The following USP25 variants were observed in gnomAD, a reference collection of about 807,000 sequenced individuals.
The protein encoded by USP25 is ubiquitin carboxyl-terminal hydrolase 25.
In USP25, 85 loss-of-function variants were observed where a neutral mutation model predicts 158.5. The ratio of observed to expected loss-of-function variants is 0.54; its 90% confidence interval spans 0.45 to 0.64. USP25 has a LOEUF of 0.64. USP25 is among the 30% of genes least tolerant of loss of function. The pLI, the probability that USP25 is intolerant of heterozygous loss-of-function variation, is 0.00. For synonymous variants in USP25, 464 were observed against 460.4 expected, an observed-to-expected ratio of 1.01 and a Z score of -0.10; for missense variants, 1,242 against 1,327.3, an observed-to-expected ratio of 0.94 and a Z score of 1.00.
intron 1 of USP25, among the ~76,000 whole-genome samples, chr21:15,738,722 C>T (rs911950130): frequency 6.6e-6 from 1 of 152,048 alleles, no homozygotes; most frequent in African/African-American, 2.4e-5. Context: ...AATTTCTGCC[C>T]TCAAAGAAAG....
chr21:15,739,724 C>G (rs898404335), intron 1 of USP25, among the ~76,000 whole-genome samples: 37 of 152,130 alleles, frequency 2.4e-4, no homozygotes, highest in African/African-American at 8.5e-4. Context: ...TGCCTTTTTC[C>G]TACAATATAA....
At chr21:15,836,659 T>C (rs111872180) in intron 17 of USP25, among the ~76,000 whole-genome samples, 2 of 89,980 alleles carry the variant, frequency 2.2e-5, no homozygotes, top group Admixed American at 1.1e-4. Context: ...AGCCAGCCAT[T>C]CTTTGCTGTC....
At chr21:15,742,168 AT>A (rs927771409) in intron 1 of USP25, among the ~76,000 whole-genome samples, 6 of 151,412 alleles carry the variant, frequency 4.0e-5, no homozygotes, top group African/African-American at 1.5e-4. Context: ...AGGAATCTGA[AT>A]TGGAAAACCC....
At position 15,874,460 on chromosome 21, in the gene USP25, G is replaced by A; in HGVS notation, c.2943G>A (p.Leu981=). The part of the protein sequence containing the change: ...ICAYQNNKEL[L]SKGLYRGHDE... ...CTTATCAGAATAACAAAGAACTCTTGTCTAAAGGCTTATACAGAGGACATG... is the reference window on the plus strand; with the variant it reads ...CTTATCAGAATAACAAAGAACTCTTATCTAAAGGCTTATACAGAGGACATG... The change falls in exon 24 of 26, where the codon TTG becomes TTA. Residue 981 remains leucine, a synonymous_variant. Coordinates refer to ENST00000400183, the MANE Select transcript of USP25 (RefSeq NM_001283041.3). 1 of 1,611,486 alleles carries A rather than the reference G, an allele frequency of 6.2e-7. No individual in the cohort carries two copies. The highest frequency in any genetic ancestry group is 8.5e-7 in the Non-Finnish European group (1 of 1,178,748).
At chr21:15,789,200 A>G (rs1313524194) in intron 4 of USP25, among the ~76,000 whole-genome samples, 1 of 152,130 alleles carries the variant, frequency 6.6e-6, no homozygotes, top group Admixed American at 6.5e-5. Flanking sequence ...TTGTATGTAA[A>G]CATGCCAATC....
At chr21:15,877,725 A>T in intron 24 of USP25, 71 bp from the exon 25 acceptor site, 1 of 1,095,696 alleles carries the variant, frequency 9.1e-7, no homozygotes. Flanking sequence ...CTTCCTTATT[A>T]ATACTTACAG....
intron 20 of USP25, among the ~76,000 whole-genome samples, chr21:15,863,075 A>G (rs2039502787): frequency 1.3e-5 from 2 of 152,036 alleles, no homozygotes; most frequent in African/African-American, 4.8e-5. Flanking sequence ...TATTAGAGCT[A>G]GAATTTACAT....
At chr21:15,866,166 T>C in intron 21 of USP25, 100 bp from the exon 22 acceptor site, 1 of 620,434 alleles carries the variant, frequency 1.6e-6, no homozygotes, top group Non-Finnish European at 2.3e-6. Flanking sequence ...ACTGCTGTTT[T>C]TGCTCAGTGT....
At position 15,853,539 on chromosome 21, in the gene USP25, A is replaced by AT. The variant is rs968110461; in HGVS notation, c.2547+3675dup. 7.9e-5 allele frequency among the ~76,000 whole-genome samples: 12 copies of AT among 151,628 alleles called. 1 individual carries two copies. The highest frequency in any genetic ancestry group is 2.1e-4 in the South Asian group (1 of 4,792). ...GTATGTTCGTTTTCCTACTTTATGGATTTTTTTTGCCATATTAAAAGATCT... is the reference window on the plus strand; with the variant it reads ...GTATGTTCGTTTTCCTACTTTATGGATTTTTTTTTGCCATATTAAAAGATCT... On this transcript the variant is annotated intron_variant, in intron 20 of 25. Coordinates refer to ENST00000400183, the MANE Select transcript of USP25 (RefSeq NM_001283041.3).
chr21:15,852,962 T>C (rs1219313662), intron 20 of USP25, among the ~76,000 whole-genome samples: 1 of 152,168 alleles, frequency 6.6e-6, no homozygotes, highest in Non-Finnish European at 1.5e-5. Context: ...ATATGTCACC[T>C]TAAAAATTTT....
chr21:15,874,571 T>G (rs376589141), intron 24 of USP25, 45 bp downstream of exon 24: 52 of 1,530,938 alleles, frequency 3.4e-5, no homozygotes, highest in Middle Eastern at 1.8e-4. Context: ...TTGTCTGACA[T>G]TGGGCAAGTT....
At chr21:15,850,350 T>A (rs1326095115) in intron 20 of USP25, among the ~76,000 whole-genome samples, 2 of 152,048 alleles carry the variant, frequency 1.3e-5, no homozygotes, top group African/African-American at 4.8e-5. Flanking sequence ...TGTTTCCCCA[T>A]AATTAATTTT....
chr21:15,818,408 C>T (rs915322011), intron 9 of USP25, among the ~76,000 whole-genome samples: 1 of 152,112 alleles, frequency 6.6e-6, no homozygotes, highest in Non-Finnish European at 1.5e-5. Flanking sequence ...TATATATTCC[C>T]AGTGTTCAGT....
intron 20 of USP25, among the ~76,000 whole-genome samples, chr21:15,853,640 A>G (rs149702496): frequency 2.4e-3 from 361 of 152,302 alleles, no homozygotes; most frequent in African/African-American, 8.3e-3. Flanking sequence ...TATTTTTTAA[A>G]TTCAAATGCT....
At chr21:15,768,256 A>G (rs532503955) in intron 3 of USP25, among the ~76,000 whole-genome samples, 115 of 152,206 alleles carry the variant, frequency 7.6e-4, no homozygotes, top group African/African-American at 2.6e-3. Flanking sequence ...CAGGGTGCCA[A>G]TTGAGATAGT....
chr21:15,766,012 T>C lies in USP25; in HGVS notation c.139T>C (p.Leu47=). 2 of 1,605,138 alleles carry C rather than the reference T, an allele frequency of 1.2e-6. No homozygotes were observed. Among genetic ancestry groups the C allele is most frequent in the South Asian group, 1.1e-5 (1 of 89,440 alleles). ...ATATTTGAAGGATAGTAATGGAAAC[T>C]TGGAATTAGCAGTGGCTTTCCTTAC... is the stretch of plus-strand genomic sequence containing the variant. ...QQALKDSNGN[L]ELAVAFLTAK... Residue 47 remains leucine, a synonymous_variant, in exon 3 of 26, where the codon TTG becomes CTG. Transcript: ENST00000400183. The surrounding 1 kb of genome is among the most constrained non-coding windows in gnomAD (Gnocchi z 4.0).
At chr21:15,806,826 C>T (rs2036416171) in intron 7 of USP25, among the ~76,000 whole-genome samples, 1 of 152,078 alleles carries the variant, frequency 6.6e-6, no homozygotes, top group East Asian at 1.9e-4. Context: ...ATTGTATCTT[C>T]TTCCTAAATA....
At chr21:15,869,224 G>A (rs2039782142) in intron 22 of USP25, among the ~76,000 whole-genome samples, 1 of 151,078 alleles carries the variant, frequency 6.6e-6, no homozygotes, top group Admixed American at 6.6e-5. Context: ...CTGCAGACTG[G>A]GCAACTGAGT....
chr21:15,866,464 G>C, intron 22 of USP25, 120 bp downstream of exon 22: 1 of 612,238 alleles, frequency 1.6e-6, no homozygotes, highest in Non-Finnish European at 2.5e-6. Context: ...AAAAAATTAA[G>C]TTTCCAAGTC....
Sources: gnomAD v4.1 joint callset for allele counts (sites outside exome capture counted in the v4.1 genomes callset) on GRCh38, gnomAD v4.1.1 for gene constraint, Gnocchi (gnomAD v3.1) non-coding constraint, MANE v1.5 for transcripts, NCBI Gene and HGNC (gene_info 2026-07-23, HGNC 2026-07-21) for gene names.